The following MAST2 variants were observed in gnomAD, a reference collection of about 807,000 sequenced individuals.
MAST2 encodes the protein microtubule associated serine/threonine kinase 2, also known as microtubule-associated serine/threonine-protein kinase 2.
In MAST2, 70 loss-of-function variants were observed where a neutral mutation model predicts 147.4. The ratio of observed to expected loss-of-function variants is 0.47; its 90% confidence interval spans 0.39 to 0.58. MAST2 has a LOEUF of 0.58. MAST2 is among the 20% of genes least tolerant of loss of function. MAST2 has a pLI of 0.00. For missense variants in MAST2, 2,080 were observed against 2,302.3 expected, an observed-to-expected ratio of 0.90 and a Z score of 1.98; for synonymous variants, 869 against 896.8, an observed-to-expected ratio of 0.97 and a Z score of 0.55.
At chr1:45,824,715 T>C in intron 2 of MAST2, 135 bp downstream of exon 2, 2 of 863,368 alleles carry the variant, frequency 2.3e-6, no homozygotes, top group Middle Eastern at 2.6e-4. Flanking sequence ...GGTAAGGCTG[T>C]CTTCCTCTCC....
chr1:45,898,353 A>G (rs961159241), intron 4 of MAST2, among the ~76,000 whole-genome samples: 1 of 152,028 alleles, frequency 6.6e-6, no homozygotes, highest in Non-Finnish European at 1.5e-5. Context: ...TAGACAACCA[A>G]TGTTTCAATT....
intron 5 of MAST2, among the ~76,000 whole-genome samples, chr1:45,960,214 A>G (rs531300922): frequency 3.1e-4 from 47 of 152,308 alleles, no homozygotes; most frequent in African/African-American, 1.1e-3. Context: ...AGAATAGATA[A>G]AAATTATGAG....
At chr1:45,942,098 G>GCCAA (rs375168699) in intron 4 of MAST2, among the ~76,000 whole-genome samples, 11 of 151,628 alleles carry the variant, frequency 7.3e-5, no homozygotes, top group Admixed American at 2.0e-4. Context: ...CAAGAGGTTT[G>GCCAA]CCAACCATAC....
chr1:45,961,771 T>A lies in MAST2; in HGVS notation c.592+2294T>A, dbSNP rs117610442. On this transcript the variant is annotated intron_variant, in intron 5 of 28. Transcript: ENST00000361297. ...AGATTATATCCTCAAATCTTTTTTT[T>A]TATAGATAATTTTATTATACTTTAA... Among the ~76,000 whole-genome samples the A allele has an allele frequency of 2.9e-3, 446 of 152,264 alleles. 3 individuals are homozygous for A. The highest frequency in any genetic ancestry group is 0.02 in the East Asian group (106 of 5,184).
intron 5 of MAST2, among the ~76,000 whole-genome samples, chr1:45,990,522 C>G (rs1279642871): frequency 6.6e-6 from 1 of 152,074 alleles, no homozygotes; most frequent in East Asian, 1.9e-4. Context: ...GAGACAAGGT[C>G]TTGCTCTGTC....
intron 3 of MAST2, among the ~76,000 whole-genome samples, chr1:45,841,958 T>A (rs183740981): frequency 1.6e-4 from 24 of 152,328 alleles, no homozygotes; most frequent in Non-Finnish European, 2.9e-4. Flanking sequence ...AAATTCTAGT[T>A]ACTTATAAAT....
chr1:46,016,723 A>G (rs978490542), intron 10 of MAST2, among the ~76,000 whole-genome samples: 3 of 152,378 alleles, frequency 2.0e-5, no homozygotes, highest in Middle Eastern at 3.4e-3. Flanking sequence ...GGAAGAATCA[A>G]TATCGTGAAA....
chr1:45,962,687 G>C (rs1185027877), intron 5 of MAST2, among the ~76,000 whole-genome samples: 1 of 152,152 alleles, frequency 6.6e-6, no homozygotes, highest in African/African-American at 2.4e-5. Context: ...TGTCAGATGA[G>C]TAGATTGCAA....
intron 4 of MAST2, among the ~76,000 whole-genome samples, chr1:45,944,823 C>T (rs1433334070): frequency 6.6e-6 from 1 of 152,180 alleles, no homozygotes; most frequent in South Asian, 2.1e-4. Flanking sequence ...TCTTGGAAGC[C>T]TCCTGTCCTT....
chr1:46,030,962 AG>A (rs766190306), intron 22 of MAST2, 44 bp from the exon 23 acceptor site: 22 of 1,591,310 alleles, frequency 1.4e-5, no homozygotes, highest in Non-Finnish European at 1.8e-5. Context: ...TGGCAGGAGG[AG>A]GGGGACCACC....
chr1:45,861,837 C>T (rs1192096242), intron 3 of MAST2, among the ~76,000 whole-genome samples: 1 of 152,170 alleles, frequency 6.6e-6, no homozygotes, highest in African/African-American at 2.4e-5. Flanking sequence ...GCTTTTGCTC[C>T]TACCACTCCT....
rs185296118 is a variant in MAST2, at chr1:45,943,365, G to T, written c.501-16021G>T. On this transcript the variant is annotated intron_variant, in intron 4 of 28. Coordinates refer to ENST00000361297, the MANE Select transcript of MAST2 (RefSeq NM_015112.3). ...GTGATCATCTGATAGTTTGGTCAGG[G>T]GCATCCAGACTAGAGTGACTCCATC... is the stretch of plus-strand genomic sequence containing the variant. Among the ~76,000 whole-genome samples the T allele has an allele frequency of 2.2e-3, 330 of 152,172 alleles. 1 individual carries two copies. The highest frequency in any genetic ancestry group is 7.7e-3 in the African/African-American group (319 of 41,514).
At chr1:45,909,272 TTAAA>T (rs758906670) in intron 4 of MAST2, among the ~76,000 whole-genome samples, 21 of 152,308 alleles carry the variant, frequency 1.4e-4, no homozygotes, top group African/African-American at 3.8e-4. Flanking sequence ...TTATTATCAG[TTAAA>T]TAAATAATTT....
In MAST2 at chr1:46,001,076, A is replaced by T. The variant is rs898870791; in HGVS notation, c.669-1729A>T. 16 of 979,426 alleles carry T rather than the reference A, an allele frequency of 1.6e-5. No individual in the cohort carries two copies. The Admixed American group carries it at 1.9e-4, about 11-fold the overall frequency. The allele number at this position is 979,426 out of a possible 1,614,324, so 60.7% of individuals were successfully genotyped here. ...TTGTGGTTGGTGAAAACTGGTTGTG[A>T]TGATTCTTCTCTGACTGTGGGTATG... On this transcript the variant is annotated intron_variant, in intron 6 of 28. Transcript: ENST00000361297.
chr1:45,905,128 G>A (rs909591069), intron 4 of MAST2, among the ~76,000 whole-genome samples: 3 of 149,570 alleles, frequency 2.0e-5, no homozygotes, highest in Non-Finnish European at 4.5e-5. Context: ...TACTTTTGTT[G>A]TAGTATCTGG....
chr1:45,973,750 A>T (rs1169570392), intron 5 of MAST2, among the ~76,000 whole-genome samples: 2 of 152,218 alleles, frequency 1.3e-5, no homozygotes, highest in Non-Finnish European at 2.9e-5. Flanking sequence ...TGGAAACCAC[A>T]TAAAAAGAGT....
intron 1 of MAST2, among the ~76,000 whole-genome samples, chr1:45,810,549 CGCCTGTAATCCCA>C (rs999935450): frequency 5.3e-5 from 8 of 152,008 alleles, no homozygotes; most frequent in African/African-American, 1.9e-4. Context: ...TGGTGGCTCA[CGCCTGTAATCCCA>C]GCACTTTGGG....
intron 4 of MAST2, among the ~76,000 whole-genome samples, chr1:45,938,284 T>C (rs1449993009): frequency 6.6e-6 from 1 of 152,194 alleles, no homozygotes; most frequent in Non-Finnish European, 1.5e-5. Flanking sequence ...TTTATTTCTT[T>C]TGGGAGTCAG....
In MAST2 at chr1:45,888,813, C is replaced by T. The variant is rs536229278; in HGVS notation, c.500+6418C>T. ...TCTTCCGCCTCAGCCTCCCCAGTAG[C>T]TGGTACTACAGATGTGTGCACCACG... On this transcript the variant is annotated intron_variant, in intron 4 of 28. Transcript: ENST00000361297. 6.4e-4 allele frequency among the ~76,000 whole-genome samples: 97 copies of T among 151,458 alleles called. 1 individual carries two copies. Among genetic ancestry groups the T allele is most frequent in the Non-Finnish European group, 1.6e-4 (11 of 67,860 alleles).
Sources: allele counts gnomAD v4.1 joint callset (sites outside exome capture counted in the v4.1 genomes callset), GRCh38; gene constraint gnomAD v4.1.1; transcripts MANE v1.5; gene names NCBI Gene and HGNC (gene_info 2026-07-23, HGNC 2026-07-21).